Variants in TRANK1 observed in about 807,000 individuals in gnomAD.
TRANK1 encodes tetratricopeptide repeat and ankyrin repeat containing 1.
In TRANK1, 198 loss-of-function variants were observed where a neutral mutation model predicts 266.0. The ratio of observed to expected loss-of-function variants is 0.74; its 90% CI spans 0.66 to 0.84. The LOEUF (loss-of-function observed/expected upper bound fraction) is 0.84. Among genes scored for constraint, TRANK1 ranks in the 40% least tolerant of loss-of-function variants. TRANK1 has a pLI of 0.00. For missense variants in TRANK1, 3,326 were observed against 3,634.6 expected, an observed-to-expected ratio of 0.92 and a Z score of 2.18; for synonymous variants, 1,396 against 1,384.1, an observed-to-expected ratio of 1.01 and a Z score of -0.19.
At chr3:36,849,042 C>T (rs963194284) in intron 15 of TRANK1, among the ~76,000 whole-genome samples, 2 of 152,134 alleles carry the variant, frequency 1.3e-5, no homozygotes, top group African/African-American at 4.8e-5. Context: ...GGATACAGGC[C>T]TACAGCACTT....
chr3:36,893,368 C>T (rs1193229556), intron 5 of TRANK1, among the ~76,000 whole-genome samples: 1 of 152,120 alleles, frequency 6.6e-6, no homozygotes, highest in Admixed American at 6.6e-5. Context: ...CCATCCCAAT[C>T]AATTATTCCT....
upstream of TRANK1, chr3:36,945,172 C>T (rs2080556216): frequency 7.3e-6 from 2 of 272,558 alleles, no homozygotes. Context: ...GTCATGCAAG[C>T]AAATGGTATG....
At chr3:36,890,085 ACG>A (rs1422950207) in intron 7 of TRANK1, 125 bp from the exon 8 acceptor site, 119 of 1,271,146 alleles carry the variant, frequency 9.4e-5, no homozygotes, top group Non-Finnish European at 1.2e-4. Flanking sequence ...AGTGTGGACC[ACG>A]CTAAGGTAAC....
At position 36,857,244 on chromosome 3, in the gene TRANK1, G is replaced by C. The variant is rs377698216; in HGVS notation, c.2478C>G (p.Leu826=). ...DWSTQEIEAC[L]QDFDNMTWEI... ...CCCAGGTCATGTTATCGAAGTCCTG[G>C]AGGCAGGCCTCAATCTCCTGCGTGC... Residue 826 remains leucine (L), a synonymous_variant, in exon 13 of 24, where the codon CTC becomes CTG. Coordinates refer to ENST00000645898, the MANE Select transcript of TRANK1 (RefSeq NM_001329998.2). This position sits in a 1 kb window ranked among gnomAD's most constrained non-coding sequence, Gnocchi z 4.3. The C allele has an allele frequency of 1.2e-6, 2 of 1,612,966 alleles. No homozygotes were observed.
intron 1 of TRANK1, 39 bp from the exon 2 acceptor site, chr3:36,908,493 T>G (rs1441372257): frequency 9.7e-6 from 12 of 1,232,102 alleles, no homozygotes; most frequent in Non-Finnish European, 1.0e-6. Context: ...GCCAGACCCG[T>G]GCAGGGCATG....
At chr3:36,916,428 T>G (rs1318511246) in intron 1 of TRANK1, among the ~76,000 whole-genome samples, 3 of 152,164 alleles carry the variant, frequency 2.0e-5, no homozygotes, top group African/African-American at 7.2e-5. Context: ...CTGGGCATGG[T>G]GGCACATCCC....
intron 17 of TRANK1, among the ~76,000 whole-genome samples, chr3:36,845,504 G>C (rs1313566219): frequency 6.6e-6 from 1 of 152,016 alleles, no homozygotes; most frequent in Admixed American, 6.6e-5. Flanking sequence ...CACTTCAGTA[G>C]GTATTTGTAT....
At chr3:36,941,484 G>A (rs1344919970) in intron 1 of TRANK1, among the ~76,000 whole-genome samples, 1 of 152,178 alleles carries the variant, frequency 6.6e-6, no homozygotes, top group Non-Finnish European at 1.5e-5. Context: ...TTAGGCAAAG[G>A]TCATTCACAT....
At chr3:36,921,969 C>T (rs941170247) in intron 1 of TRANK1, among the ~76,000 whole-genome samples, 2 of 152,056 alleles carry the variant, frequency 1.3e-5, no homozygotes, top group Non-Finnish European at 2.9e-5. Flanking sequence ...CAGTGAGACC[C>T]CCATCTCTAC....
At chr3:36,896,120 C>T (rs1450311744) in intron 4 of TRANK1, among the ~76,000 whole-genome samples, 1 of 152,174 alleles carries the variant, frequency 6.6e-6, no homozygotes, top group East Asian at 1.9e-4. Context: ...AACTCACTTC[C>T]TTTAAGAAAA....
intron 7 of TRANK1, among the ~76,000 whole-genome samples, chr3:36,890,290 C>A (rs542592235): frequency 6.6e-6 from 1 of 152,114 alleles, no homozygotes; most frequent in Non-Finnish European, 1.5e-5. Context: ...GCAAGGGAGG[C>A]AGGACAGGTA....
intron 1 of TRANK1, among the ~76,000 whole-genome samples, chr3:36,941,103 G>C (rs1292925007): frequency 6.6e-6 from 1 of 152,166 alleles, no homozygotes; most frequent in Non-Finnish European, 1.5e-5. Flanking sequence ...TCTTGCCCCA[G>C]TGAATGAAGA....
chr3:36,834,394 G>C (rs1358673584), intron 21 of TRANK1: 3 of 206,472 alleles, frequency 1.5e-5, no homozygotes, highest in Non-Finnish European at 2.9e-5. Flanking sequence ...TACCCAACTT[G>C]TGATTCTTCT....
intron 1 of TRANK1, among the ~76,000 whole-genome samples, chr3:36,936,432 G>A (rs1463340184): frequency 6.6e-6 from 1 of 151,776 alleles, no homozygotes; most frequent in Non-Finnish European, 1.5e-5. Flanking sequence ...CCTGCAGTGA[G>A]CTGTGATCAC....
chr3:36,842,000 C>G (rs2078850850), intron 18 of TRANK1, among the ~76,000 whole-genome samples: 1 of 152,160 alleles, frequency 6.6e-6, no homozygotes, highest in Non-Finnish European at 1.5e-5. Flanking sequence ...CCATGGTGCC[C>G]CACCCAAAAC....
chr3:36,929,502 T>C (rs893107515), intron 1 of TRANK1: 4 of 152,202 alleles, frequency 2.6e-5, no homozygotes, highest in African/African-American at 4.8e-5. Context: ...GCAATAAATA[T>C]ATATAGTATA....
chr3:36,860,807 G>A, intron 11 of TRANK1, 99 bp downstream of exon 11: 1 of 1,466,548 alleles, frequency 6.8e-7, no homozygotes, highest in Non-Finnish European at 9.0e-7. Flanking sequence ...TGAACTTCAT[G>A]GTGCCTCCAA....
At chr3:36,903,616 C>T (rs972655399) in intron 2 of TRANK1, among the ~76,000 whole-genome samples, 3 of 152,228 alleles carry the variant, frequency 2.0e-5, no homozygotes, top group African/African-American at 7.2e-5. Flanking sequence ...CCTGTGCAGG[C>T]CCTGGGAGCA....
Position 36,833,149 on chromosome 3 carries a change from T to C in TRANK1, c.6434A>G (p.Asp2145Gly), listed in dbSNP as rs2125506599. The change falls in exon 22 of 24, where the codon GAT becomes GGT. Residue 2145 changes from aspartate (D) to glycine (G), a missense_variant. Coordinates refer to ENST00000645898, the MANE Select transcript of TRANK1 (RefSeq NM_001329998.2). ...TGTTTTTTTCTCTCTCAAGTTCAAATCCAGGTCAAAAATTATTCTTAATAT... is the reference window on the plus strand; with the variant it reads ...TGTTTTTTTCTCTCTCAAGTTCAAACCCAGGTCAAAAATTATTCTTAATAT... Reference protein sequence around the residue: ...GPILRIIFDLDLNLREKKTKD... With the variant: ...GPILRIIFDLGLNLREKKTKD... The C allele has an allele frequency of 6.2e-7, 1 of 1,613,532 alleles. No individual in the cohort carries two copies. The highest frequency in any genetic ancestry group is 8.5e-7 in the Non-Finnish European group (1 of 1,179,634).
Sources: gnomAD v4.1 joint callset for allele counts (sites outside exome capture counted in the v4.1 genomes callset) on GRCh38, gnomAD v4.1.1 for gene constraint, Gnocchi (gnomAD v3.1) non-coding constraint, MANE v1.5 for transcripts, NCBI Gene and HGNC (gene_info 2026-07-23, HGNC 2026-07-21) for gene names.